PRUNE2: variants seen among roughly 807,000 people sequenced by gnomAD.
The protein encoded by PRUNE2 is prune homolog 2 with BCH domain, also known as protein prune homolog 2.
In PRUNE2, 164 loss-of-function variants were observed where a neutral mutation model predicts 252.0. That is an observed-to-expected ratio of 0.65 (90% CI 0.57 to 0.74). The LOEUF is 0.74. Ranked by LOEUF, PRUNE2 falls within the 30% of genes least tolerant of loss-of-function variation. The probability of loss-of-function intolerance (pLI) is 0.00; values close to 1 mark genes in which losing one functional copy is unlikely to be tolerated. For synonymous variants in PRUNE2, 1,292 were observed against 1,350.2 expected, an observed-to-expected ratio of 0.96 and a Z score of 0.94; for missense variants, 3,495 against 3,711.0, an observed-to-expected ratio of 0.94 and a Z score of 1.51.
At chr9:76,796,514 T>C (rs1475760384) in intron 6 of PRUNE2, among the ~76,000 whole-genome samples, 1 of 152,204 alleles carries the variant, frequency 6.6e-6, no homozygotes, top group Admixed American at 6.5e-5. Context: ...CCCTGATTGG[T>C]GTCACAAGTG....
Position 76,711,224 on chromosome 9 carries a change from C to G in PRUNE2, c.1050G>C (p.Lys350Asn). ...CTGGACACCTCCTGTTGATGACTTC[C>G]TTGACAACGAGAACCACCTGATCAC... ...VTCDQVVLVV[K>N]EVINRRCPEM... The change falls in exon 8 of 19, where the codon AAG becomes AAC. Residue 350 changes from lysine to asparagine, a missense_variant. Coordinates refer to ENST00000376718, the MANE Select transcript of PRUNE2 (RefSeq NM_015225.3). The G allele has an allele frequency of 6.2e-7, 1 of 1,613,922 alleles. No homozygotes were observed. The highest frequency in any genetic ancestry group is 2.2e-5 in the East Asian group (1 of 44,872).
At chr9:76,851,169 A>G (rs1199866871) in intron 2 of PRUNE2, among the ~76,000 whole-genome samples, 1 of 152,150 alleles carries the variant, frequency 6.6e-6, no homozygotes, top group Non-Finnish European at 1.5e-5. Context: ...GGGAAGGCAC[A>G]TACATTGCAT....
intron 6 of PRUNE2, among the ~76,000 whole-genome samples, chr9:76,754,988 A>ACC (rs71976297): frequency 6.8e-6 from 1 of 146,896 alleles, no homozygotes; most frequent in African/African-American, 2.5e-5. Flanking sequence ...AAAAAAAAAA[A>ACC]CCCAAAAAAA....
At chr9:76,771,129 T>C (rs921331344) in intron 6 of PRUNE2, among the ~76,000 whole-genome samples, 1 of 152,150 alleles carries the variant, frequency 6.6e-6, no homozygotes, top group African/African-American at 2.4e-5. Flanking sequence ...AGAAATATTA[T>C]ATAAATTATG....
intron 6 of PRUNE2, among the ~76,000 whole-genome samples, chr9:76,821,994 C>T (rs1372299149): frequency 1.3e-5 from 2 of 152,008 alleles, no homozygotes; most frequent in East Asian, 3.9e-4. Context: ...AATAAGATGC[C>T]ATTAAATGAA....
intron 12 of PRUNE2, chr9:76,641,876 T>A: frequency 7.0e-7 from 1 of 1,429,260 alleles, no homozygotes; most frequent in Non-Finnish European, 9.3e-7. Context: ...GATGTCACAG[T>A]CGCAACCAAA....
At chr9:76,730,298 A>G (rs2048450649) in intron 6 of PRUNE2, among the ~76,000 whole-genome samples, 1 of 152,242 alleles carries the variant, frequency 6.6e-6, no homozygotes, top group African/African-American at 2.4e-5. Context: ...GGGAAGATCA[A>G]TAAAGAGAGC....
intron 6 of PRUNE2, chr9:76,737,805 A>C (rs1231231146): frequency 6.6e-6 from 1 of 152,260 alleles, no homozygotes; most frequent in Non-Finnish European, 1.5e-5. Flanking sequence ...TCCTAAAACC[A>C]GCAGTGATTC....
rs752388787 is a variant in PRUNE2, at chr9:76,709,004, T to A, written c.3270A>T (p.Glu1090Asp). The change falls in exon 8 of 19, where the codon GAA becomes GAT. Residue 1090 changes from glutamate to aspartate, a missense_variant. Physicochemically the swap from Glu to Asp is conservative, Grantham distance 45. Transcript: ENST00000376718. ...DDPSMMQLYN[E>D]TNRQLTLLHS... ...GCAAAAGTGTGAGTTGTCGGTTTGTTTCATTGTACAGTTGCATCATGCTGG... is the reference window on the plus strand; with the variant it reads ...GCAAAAGTGTGAGTTGTCGGTTTGTATCATTGTACAGTTGCATCATGCTGG... 4.3e-6 allele frequency: 7 copies of A among 1,614,022 alleles called. No individual in the cohort carries two copies. Among genetic ancestry groups the A allele is most frequent in the Non-Finnish European group, 5.9e-6 (7 of 1,179,884 alleles).
At chr9:76,734,670 C>A (rs1467313012) in intron 6 of PRUNE2, among the ~76,000 whole-genome samples, 1 of 152,156 alleles carries the variant, frequency 6.6e-6, no homozygotes, top group Admixed American at 6.5e-5. Flanking sequence ...GTCATCCCTT[C>A]TTTTGGGGAG....
At chr9:76,642,814 G>A (rs1041218362) in intron 12 of PRUNE2, among the ~76,000 whole-genome samples, 3 of 152,250 alleles carry the variant, frequency 2.0e-5, no homozygotes, top group South Asian at 2.1e-4. Context: ...TGTTCAGGGT[G>A]TAGGAAAAGG....
chr9:76,777,471 T>C (rs1401079420), intron 6 of PRUNE2, among the ~76,000 whole-genome samples: 2 of 152,158 alleles, frequency 1.3e-5, no homozygotes, highest in Non-Finnish European at 2.9e-5. Context: ...TCCATACAGT[T>C]TGCTGGCTGA....
intron 9 of PRUNE2, among the ~76,000 whole-genome samples, chr9:76,678,557 C>T (rs1432197254): frequency 2.0e-5 from 3 of 152,114 alleles, no homozygotes; most frequent in Admixed American, 1.3e-4. Context: ...TGGCCGGGCA[C>T]GGCGGCACAC....
intron 1 of PRUNE2, among the ~76,000 whole-genome samples, chr9:76,861,639 C>A (rs1016787520): frequency 6.6e-6 from 1 of 152,180 alleles, no homozygotes; most frequent in African/African-American, 2.4e-5. Context: ...TTAATCCATT[C>A]TTCCTTAGCC....
At chr9:76,690,431 G>A (rs2044587577) in intron 9 of PRUNE2, among the ~76,000 whole-genome samples, 1 of 152,224 alleles carries the variant, frequency 6.6e-6, no homozygotes, top group Admixed American at 6.5e-5. Context: ...CTTTTGCACT[G>A]TAACCTATAT....
At chr9:76,858,613 T>C (rs1284186232) in intron 1 of PRUNE2, among the ~76,000 whole-genome samples, 1 of 151,098 alleles carries the variant, frequency 6.6e-6, no homozygotes, top group African/African-American at 2.4e-5. Flanking sequence ...TGTCAAGGGG[T>C]CGAAAGCAAG....
chr9:76,753,730 T>A (rs974188992), intron 6 of PRUNE2, among the ~76,000 whole-genome samples: 1 of 152,012 alleles, frequency 6.6e-6, no homozygotes, highest in Non-Finnish European at 1.5e-5. Context: ...CTGGCTAACA[T>A]GGTGAAACCC....
chr9:76,842,965 C>G (rs2059472766), intron 4 of PRUNE2, among the ~76,000 whole-genome samples: 1 of 152,156 alleles, frequency 6.6e-6, no homozygotes, highest in Non-Finnish European at 1.5e-5. Flanking sequence ...ATCCAGCAAT[C>G]CCATTACTGG....
intron 6 of PRUNE2, among the ~76,000 whole-genome samples, chr9:76,755,763 C>T (rs1275737169): frequency 5.3e-5 from 8 of 152,102 alleles, no homozygotes; most frequent in African/African-American, 1.9e-4. Flanking sequence ...AGTGCAGTGA[C>T]GCAATCTCGG....
Sources: allele counts gnomAD v4.1 joint callset (sites outside exome capture counted in the v4.1 genomes callset), GRCh38; gene constraint gnomAD v4.1.1; transcripts MANE v1.5; gene names NCBI Gene and HGNC (gene_info 2026-07-23, HGNC 2026-07-21).